TNFRSF19: variants seen among roughly 807,000 people sequenced by gnomAD.
TNFRSF19 encodes the protein TNF receptor superfamily member 19, also known as tumor necrosis factor receptor superfamily member 19.
Under a neutral mutation model 46.4 loss-of-function variants are expected in TNFRSF19, and 27 were observed. That is an observed-to-expected ratio of 0.58 (90% CI 0.43 to 0.80). The LOEUF (loss-of-function observed/expected upper bound fraction) is 0.80. TNFRSF19 is among the 30% of genes least tolerant of loss of function. The pLI, the probability that TNFRSF19 is intolerant of heterozygous loss-of-function variation, is 0.00. For synonymous variants in TNFRSF19, 204 were observed against 205.0 expected (o/e 1.00, Z 0.04); for missense variants, 511 against 530.8 (o/e 0.96, Z 0.37).
chr13:23,668,944 T>C lies in TNFRSF19; in HGVS notation c.1092T>C (p.Ser364=), dbSNP rs777846595. ...TTGGTGGGGCTGTTCCAGTCCAGTC[T>C]CATTCTGAAAACTTTACAGCAGCTA... is the stretch of plus-strand genomic sequence containing the variant. The part of the protein sequence containing the change: ...DLVGGAVPVQ[S]HSENFTAATD... Residue 364 remains serine (S), a synonymous_variant, in exon 9 of 10, where the codon TCT becomes TCC. Transcript: ENST00000248484. 3.7e-6 allele frequency: 6 copies of C among 1,614,140 alleles called. No homozygotes were observed. Among genetic ancestry groups the C allele is most frequent in the Non-Finnish European group, 5.1e-6 (6 of 1,180,056 alleles).
At chr13:23,654,074 A>G (rs1883822782) in intron 5 of TNFRSF19, among the ~76,000 whole-genome samples, 1 of 152,190 alleles carries the variant, frequency 6.6e-6, no homozygotes, top group Non-Finnish European at 1.5e-5. Flanking sequence ...GCCAGGGTGG[A>G]AAGTGGCAAG....
At chr13:23,621,946 C>T (rs933566706) in intron 4 of TNFRSF19, among the ~76,000 whole-genome samples, 16 of 148,330 alleles carry the variant, frequency 1.1e-4, no homozygotes, top group African/African-American at 4.0e-4. Flanking sequence ...GCGAGACTGT[C>T]TCAAAACAAA....
chr13:23,601,381 C>G (rs1489224277), intron 3 of TNFRSF19, among the ~76,000 whole-genome samples: 1 of 151,914 alleles, frequency 6.6e-6, no homozygotes. Context: ...AATTCTGTAC[C>G]CTGAGAAATT....
chr13:23,601,705 G>A (rs1880177668), intron 3 of TNFRSF19, among the ~76,000 whole-genome samples: 1 of 152,122 alleles, frequency 6.6e-6, no homozygotes, highest in Admixed American at 6.6e-5. Flanking sequence ...ATTAATTACA[G>A]CAATGATACA....
chr13:23,574,704 G>A (rs536713101), intron 1 of TNFRSF19, among the ~76,000 whole-genome samples: 2 of 152,134 alleles, frequency 1.3e-5, no homozygotes, highest in South Asian at 2.1e-4. Flanking sequence ...TTAAAGGATG[G>A]TTCTTTAAAA....
chr13:23,580,771 AAAAC>A (rs1178566249), intron 1 of TNFRSF19, among the ~76,000 whole-genome samples: 1 of 152,270 alleles, frequency 6.6e-6, no homozygotes, highest in African/African-American at 2.4e-5. Context: ...TTCTGAAAGT[AAAAC>A]AAAACATAGA....
At chr13:23,617,894 T>G (rs544251166) in intron 4 of TNFRSF19, among the ~76,000 whole-genome samples, 2 of 152,292 alleles carry the variant, frequency 1.3e-5, no homozygotes, top group Non-Finnish European at 2.9e-5. Context: ...TCCGAGGCAC[T>G]ACAGACAAAA....
At chr13:23,605,582 G>A (rs1331366207) in intron 3 of TNFRSF19, among the ~76,000 whole-genome samples, 1 of 152,144 alleles carries the variant, frequency 6.6e-6, no homozygotes, top group Non-Finnish European at 1.5e-5. Flanking sequence ...TTAGTAAGGG[G>A]TGGGTAAATA....
intron 5 of TNFRSF19, among the ~76,000 whole-genome samples, chr13:23,650,343 A>C (rs889316183): frequency 6.6e-6 from 1 of 152,230 alleles, no homozygotes; most frequent in African/African-American, 2.4e-5. Flanking sequence ...GAAAACCAAG[A>C]TGTCCATCAT....
intron 9 of TNFRSF19, among the ~76,000 whole-genome samples, chr13:23,670,397 A>G (rs1299948379): frequency 6.6e-6 from 1 of 152,110 alleles, no homozygotes; most frequent in Non-Finnish European, 1.5e-5. Flanking sequence ...CTTTGGAGGG[A>G]AAAAATTGGT....
chr13:23,632,181 G>A (rs1882398836), intron 5 of TNFRSF19, among the ~76,000 whole-genome samples: 1 of 152,276 alleles, frequency 6.6e-6, no homozygotes, highest in South Asian at 2.1e-4. Context: ...GTCGGCTGTG[G>A]TCCTCAGACC....
intron 1 of TNFRSF19, among the ~76,000 whole-genome samples, chr13:23,572,741 A>G (rs1406438181): frequency 6.6e-6 from 1 of 152,202 alleles, no homozygotes; most frequent in Non-Finnish European, 1.5e-5. Context: ...TAAAATAAAG[A>G]TGGTTGTATC....
chr13:23,670,816 C>T (rs948870358), intron 9 of TNFRSF19, among the ~76,000 whole-genome samples: 10 of 152,228 alleles, frequency 6.6e-5, no homozygotes, highest in African/African-American at 1.9e-4. Context: ...AAATGAGGGG[C>T]CCTCGCCATG....
chr13:23,656,895 A>G (rs1284440293), intron 5 of TNFRSF19, among the ~76,000 whole-genome samples: 1 of 152,034 alleles, frequency 6.6e-6, no homozygotes, highest in Non-Finnish European at 1.5e-5. Flanking sequence ...TTGTGCTCAT[A>G]TGGCCTTTTG....
chr13:23,589,690 T>A (rs1879112945), intron 1 of TNFRSF19, among the ~76,000 whole-genome samples: 1 of 152,092 alleles, frequency 6.6e-6, no homozygotes, highest in South Asian at 2.1e-4. Flanking sequence ...CCTTCTAGAG[T>A]AGTTGTGAGG....
In TNFRSF19 at chr13:23,643,633, C is replaced by T. The variant is rs1593281550; in HGVS notation, c.446-15417C>T. ...CTGGTTTTCTTCCAACACACAGTAA[C>T]AGGCTGAGGATGGCAATAAAACAAT... On this transcript the variant is annotated intron_variant, in intron 5 of 9. Coordinates refer to ENST00000248484, the MANE Select transcript of TNFRSF19 (RefSeq NM_148957.4). Among the ~76,000 whole-genome samples, 3 of 152,194 alleles carry T rather than the reference C, an allele frequency of 2.0e-5. No homozygotes were observed. In the East Asian group the frequency reaches 5.8e-4, roughly 29 times the overall value.
intron 3 of TNFRSF19, chr13:23,594,216 T>C (rs1251792253): frequency 3.3e-5 from 15 of 451,548 alleles, no homozygotes; most frequent in South Asian, 3.1e-5. Context: ...AGTTTTTTTT[T>C]CATACCCTAG....
At chr13:23,578,408 T>C (rs1437720268) in intron 1 of TNFRSF19, among the ~76,000 whole-genome samples, 1 of 152,220 alleles carries the variant, frequency 6.6e-6, no homozygotes, top group Non-Finnish European at 1.5e-5. Flanking sequence ...CACAAGTACC[T>C]AGTATAGTGC....
intron 5 of TNFRSF19, among the ~76,000 whole-genome samples, chr13:23,642,517 G>C (rs1183927694): frequency 6.6e-6 from 1 of 152,232 alleles, no homozygotes; most frequent in Non-Finnish European, 1.5e-5. Flanking sequence ...GCTGTCATTT[G>C]CTGGTGGTTA....
Sources: allele counts gnomAD v4.1 joint callset (sites outside exome capture counted in the v4.1 genomes callset), GRCh38; gene constraint gnomAD v4.1.1; transcripts MANE v1.5; gene names NCBI Gene and HGNC (gene_info 2026-07-23, HGNC 2026-07-21).